RACGAP1: variants seen among roughly 807,000 people sequenced by gnomAD.
RACGAP1 encodes Rac GTPase activating protein 1.
RACGAP1 carries 30 observed loss-of-function variants against 78.1 expected under a neutral mutation model. That is an observed-to-expected ratio of 0.38 (90% CI 0.29 to 0.52). The LOEUF is 0.52. RACGAP1 is among the 20% of genes least tolerant of loss of function. The pLI, the probability that RACGAP1 is intolerant of heterozygous loss-of-function variation, is 0.82. For synonymous variants in RACGAP1, 231 were observed against 264.8 expected (o/e 0.87, Z 1.24); for missense variants, 587 against 777.1 (o/e 0.76, Z 2.91).
At position 50,002,203 on chromosome 12, in the gene RACGAP1, A is replaced by G. The variant is rs149017826; in HGVS notation, c.549+44T>C. The G allele has an allele frequency of 6.3e-4, 997 of 1,581,538 alleles. 7 individuals are homozygous for G. In the African/African-American group the frequency reaches 0.012, roughly 19 times the overall value. On this transcript the variant is annotated intron_variant, in intron 6 of 16. Coordinates refer to ENST00000312377, the MANE Select transcript of RACGAP1 (RefSeq NM_001319999.2). ...TGGCAAAATTTCCAAAAATAACTCCATTATTACTTTGTTTTAAAAAAAGAC... is the reference window on the plus strand; with the variant it reads ...TGGCAAAATTTCCAAAAATAACTCCGTTATTACTTTGTTTTAAAAAAAGAC...
intron 1 of RACGAP1, chr12:50,018,405 T>C (rs1949800971): frequency 4.8e-6 from 3 of 621,800 alleles, no homozygotes; most frequent in South Asian, 1.7e-5. Flanking sequence ...TACAAAGATC[T>C]TTCTCTAAAC....
chr12:50,024,325 C>T (rs904943593), intron 1 of RACGAP1, among the ~76,000 whole-genome samples: 3 of 152,142 alleles, frequency 2.0e-5, no homozygotes, highest in African/African-American at 4.8e-5. Flanking sequence ...CAGAATACTA[C>T]TCAGCCATAA....
chr12:50,010,298 A>T (rs1332167444), intron 2 of RACGAP1, among the ~76,000 whole-genome samples: 1 of 151,344 alleles, frequency 6.6e-6, no homozygotes, highest in Non-Finnish European at 1.5e-5. Flanking sequence ...TGTAACTTGG[A>T]CTTAGCTCTC....
At chr12:50,029,429 G>A (rs960449054), upstream of RACGAP1, among the ~76,000 whole-genome samples, 4 of 151,558 alleles carry the variant, frequency 2.6e-5, no homozygotes, top group South Asian at 2.1e-4. Flanking sequence ...AACAGCAGCC[G>A]GGCATGGTGG....
Position 50,015,644 on chromosome 12 carries a change from AC to A in RACGAP1, c.85+986del, listed in dbSNP as rs555135865. Reference sequence around the variant, plus strand: ...GCGAAACCCCGTCTCTACTGAAAATACAAAAAAATTAGCCGGACGTGGTGGC... The same window carrying A: ...GCGAAACCCCGTCTCTACTGAAAATAAAAAAAATTAGCCGGACGTGGTGGC... On this transcript the variant is annotated intron_variant, in intron 2 of 16. Transcript: ENST00000312377. 1.8e-4 allele frequency among the ~76,000 whole-genome samples: 27 copies of A among 152,120 alleles called. No individual in the cohort carries two copies. In the East Asian group the frequency reaches 4.5e-3, roughly 25 times the overall value.
At chr12:49,994,999 T>C (rs762039362) in intron 10 of RACGAP1, among the ~76,000 whole-genome samples, 3 of 152,146 alleles carry the variant, frequency 2.0e-5, no homozygotes, top group Non-Finnish European at 4.4e-5. Flanking sequence ...GACACAAACC[T>C]ACCTGTAGGG....
At chr12:49,992,702 G>C in intron 12 of RACGAP1, 47 bp from the exon 13 acceptor site, 2 of 1,473,240 alleles carry the variant, frequency 1.4e-6, no homozygotes, top group Non-Finnish European at 1.9e-6. Context: ...TCTTTCCCTT[G>C]ACAGCGGGCT....
At chr12:50,015,977 A>AT (rs1949652190) in intron 2 of RACGAP1, among the ~76,000 whole-genome samples, 2 of 152,008 alleles carry the variant, frequency 1.3e-5, no homozygotes, top group Admixed American at 6.6e-5. Context: ...AAAATCCAGG[A>AT]TAAAAAAAAG....
upstream of RACGAP1, chr12:50,025,627 G>T: frequency 1.1e-6 from 1 of 882,536 alleles, no homozygotes; most frequent in Non-Finnish European, 1.4e-6. Context: ...GAAGCCAAAG[G>T]TGGCCATTTT....
chr12:50,026,335 A>G (rs761665448), upstream of RACGAP1, among the ~76,000 whole-genome samples: 4 of 151,130 alleles, frequency 2.6e-5, no homozygotes, highest in Non-Finnish European at 5.9e-5. Context: ...TTACTGTCAC[A>G]TTGGTCCTTA....
chr12:50,023,757 A>G (rs1051585093), intron 1 of RACGAP1, among the ~76,000 whole-genome samples: 5 of 152,236 alleles, frequency 3.3e-5, no homozygotes, highest in South Asian at 2.1e-4. Flanking sequence ...AAAAGAAAAA[A>G]AAAGTAAACT....
chr12:49,993,966 A>G (rs1252770475), intron 12 of RACGAP1, among the ~76,000 whole-genome samples, 165 bp downstream of exon 12: 2 of 152,100 alleles, frequency 1.3e-5, no homozygotes, highest in Non-Finnish European at 2.9e-5. Flanking sequence ...AATCGCTTCA[A>G]CCTGGGAGAC....
At chr12:50,020,101 G>T (rs1949923023) in intron 1 of RACGAP1, among the ~76,000 whole-genome samples, 5 of 152,106 alleles carry the variant, frequency 3.3e-5, no homozygotes, top group Admixed American at 3.3e-4. Flanking sequence ...AGAAAGAAAA[G>T]AATCCAGTAT....
chr12:50,019,158 T>C (rs1949853308), intron 1 of RACGAP1, among the ~76,000 whole-genome samples: 1 of 152,164 alleles, frequency 6.6e-6, no homozygotes, highest in Non-Finnish European at 1.5e-5. Flanking sequence ...TTGTGTACTC[T>C]TCTCTCATGT....
At chr12:50,023,751 G>GA (rs931942007) in intron 1 of RACGAP1, among the ~76,000 whole-genome samples, 69 of 149,672 alleles carry the variant, frequency 4.6e-4, no homozygotes, top group African/African-American at 1.6e-3. Context: ...AAAAGAAAAA[G>GA]AAAAAAAAAG....
Position 49,992,539 on chromosome 12 carries a change from G to A in RACGAP1, c.1445+11C>T. The stretch of plus-strand genomic sequence containing the variant: ...TCCCTAACTCCCAGAACAAGTTTCT[G>A]CTGTACTCACCTCTGCAAGTGAATC... On this transcript the variant is annotated intron_variant, in intron 13 of 16. Transcript: ENST00000312377. The A allele has an allele frequency of 1.2e-6, 2 of 1,611,070 alleles. No homozygotes were observed. Among genetic ancestry groups the A allele is most frequent in the Non-Finnish European group, 1.7e-6 (2 of 1,178,398 alleles).
intron 6 of RACGAP1, 87 bp downstream of exon 6, chr12:50,002,160 G>T: frequency 2.0e-6 from 2 of 976,084 alleles, no homozygotes; most frequent in Non-Finnish European, 3.2e-6. Context: ...AGAGCAACAT[G>T]ACAGGAATGC....
chr12:50,001,114 G>C (rs1948648093), intron 7 of RACGAP1, 58 bp downstream of exon 7: 4 of 1,318,350 alleles, frequency 3.0e-6, no homozygotes, highest in Non-Finnish European at 3.2e-6. Context: ...TGCTGACTCA[G>C]AGAAGTTTTA....
In RACGAP1 at chr12:49,990,036, T is replaced by C. The variant is rs1212508195; in HGVS notation, c.*232A>G. 4.7e-6 allele frequency: 2 copies of C among 426,140 alleles called. No individual in the cohort carries two copies. Among genetic ancestry groups the C allele is most frequent in the Non-Finnish European group, 8.4e-6 (2 of 238,254 alleles). The allele number at this position is 426,140 out of a possible 1,614,324, so 26.4% of individuals were successfully genotyped here. A position where few individuals can be genotyped will look rare whatever the true frequency, so the allele number is the denominator to read the frequency against. On this transcript the variant is annotated 3_prime_UTR_variant, in exon 17 of 17. Coordinates refer to ENST00000312377, the MANE Select transcript of RACGAP1 (RefSeq NM_001319999.2). The stretch of plus-strand genomic sequence containing the variant: ...ACCCTTCTACCCCTGGAAAGATGTC[T>C]CATCTAAAAGCTCCCAACAATGACC...
Sources: gnomAD v4.1 joint callset for allele counts (sites outside exome capture counted in the v4.1 genomes callset) on GRCh38, gnomAD v4.1.1 for gene constraint, MANE v1.5 for transcripts, NCBI Gene and HGNC (gene_info 2026-07-23, HGNC 2026-07-21) for gene names.